PLXDC2: variants seen among roughly 807,000 people sequenced by gnomAD.
The protein encoded by PLXDC2 is plexin domain containing 2.
A neutral mutation model predicts 68.9 loss-of-function variants in PLXDC2; 40 were observed. That is an observed-to-expected ratio of 0.58 (90% confidence interval 0.45 to 0.76). PLXDC2 has a LOEUF of 0.76. Among genes scored for constraint, PLXDC2 ranks in the 30% least tolerant of loss-of-function variants. The pLI is 0.00. For synonymous variants in PLXDC2, 243 were observed against 234.2 expected (o/e 1.04, Z -0.34); for missense variants, 644 against 661.9 (o/e 0.97, Z 0.30).
chr10:20,039,102 T>C (rs1835631137), intron 2 of PLXDC2, among the ~76,000 whole-genome samples: 1 of 152,210 alleles, frequency 6.6e-6, no homozygotes, highest in African/African-American at 2.4e-5. Flanking sequence ...TCAGTTCACC[T>C]GTCTGCAAGT....
chr10:20,005,370 G>A (rs920364642), intron 2 of PLXDC2, among the ~76,000 whole-genome samples: 3 of 152,152 alleles, frequency 2.0e-5, no homozygotes, highest in Non-Finnish European at 4.4e-5. Flanking sequence ...GATTGATGGA[G>A]ATTATTGGGA....
At chr10:20,044,155 C>G (rs1459267182) in intron 2 of PLXDC2, among the ~76,000 whole-genome samples, 1 of 146,768 alleles carries the variant, frequency 6.8e-6, no homozygotes. Flanking sequence ...TTTTTCCTTC[C>G]TTCCTTCCTC....
chr10:19,982,147 T>C (rs560006470), intron 1 of PLXDC2, among the ~76,000 whole-genome samples: 1 of 152,256 alleles, frequency 6.6e-6, no homozygotes, highest in South Asian at 2.1e-4. Context: ...AGTAAATGCA[T>C]TCATTTTTCT....
intron 3 of PLXDC2, among the ~76,000 whole-genome samples, chr10:20,063,709 C>CTTAA (rs1347320671): frequency 3.9e-5 from 6 of 151,968 alleles, no homozygotes; most frequent in African/African-American, 1.4e-4. Flanking sequence ...GGAGTATGAC[C>CTTAA]TGAATGAGTC....
chr10:20,075,515 C>T (rs1323176260), intron 4 of PLXDC2, among the ~76,000 whole-genome samples: 1 of 152,124 alleles, frequency 6.6e-6, no homozygotes, highest in African/African-American at 2.4e-5. Context: ...TCACGAATTT[C>T]ATATTCACAA....
intron 1 of PLXDC2, among the ~76,000 whole-genome samples, chr10:19,825,054 C>G (rs543277091): frequency 6.6e-6 from 1 of 152,262 alleles, no homozygotes; most frequent in South Asian, 2.1e-4. Context: ...CCTTACCCTT[C>G]AAATTAAAAT....
intron 6 of PLXDC2, among the ~76,000 whole-genome samples, chr10:20,151,339 A>G (rs936958387): frequency 6.6e-6 from 1 of 152,174 alleles, no homozygotes; most frequent in African/African-American, 2.4e-5. Flanking sequence ...ATTCCTCAAT[A>G]GTTTCCTACA....
At position 20,143,485 on chromosome 10, in the gene PLXDC2, A is replaced by T. The variant is rs977198533; in HGVS notation, c.664+68A>T. ...AAACCTCAAGCATCAGATTCATGTT[A>T]ATGTTTTTGTAAACTGTTTATTTTT... On this transcript the variant is annotated intron_variant, in intron 5 of 13. Transcript: ENST00000377252. 6 of 1,587,440 alleles carry T rather than the reference A, an allele frequency of 3.8e-6. No homozygotes were observed. In the Admixed American group the frequency reaches 1.0e-4, roughly 27 times the overall value.
chr10:20,195,877 G>A (rs371932602), intron 9 of PLXDC2, among the ~76,000 whole-genome samples: 148 of 152,068 alleles, frequency 9.7e-4, no homozygotes, highest in African/African-American at 3.5e-3. Flanking sequence ...AAATCTACTG[G>A]TGACAGGACA....
At chr10:20,081,322 A>G (rs542468001) in intron 4 of PLXDC2, among the ~76,000 whole-genome samples, 27 of 152,286 alleles carry the variant, frequency 1.8e-4, no homozygotes, top group East Asian at 1.2e-3. Flanking sequence ...CTATTCCACT[A>G]GAGACACCCT....
intron 3 of PLXDC2, among the ~76,000 whole-genome samples, chr10:20,051,058 A>G (rs769154219): frequency 1.1e-4 from 17 of 152,102 alleles, no homozygotes; most frequent in Non-Finnish European, 2.4e-4. Context: ...GCAGCCATAT[A>G]AAAAGAACAA....
At chr10:20,004,940 C>G (rs1835002792) in intron 2 of PLXDC2, among the ~76,000 whole-genome samples, 1 of 152,136 alleles carries the variant, frequency 6.6e-6, no homozygotes, top group African/African-American at 2.4e-5. Flanking sequence ...TAAGAGCTGC[C>G]AGGTACTGTG....
intron 4 of PLXDC2, among the ~76,000 whole-genome samples, chr10:20,139,107 A>G (rs769221733): frequency 2.6e-5 from 4 of 152,222 alleles, no homozygotes; most frequent in Non-Finnish European, 5.9e-5. Context: ...TGACTCGATG[A>G]GGCTTACAGA....
chr10:20,043,972 C>T (rs992351611), intron 2 of PLXDC2, among the ~76,000 whole-genome samples: 3 of 151,906 alleles, frequency 2.0e-5, no homozygotes, highest in East Asian at 3.9e-4. Flanking sequence ...TGATTCTTTT[C>T]GTTGACCATA....
chr10:20,166,068 G>C (rs1834370443), intron 7 of PLXDC2, among the ~76,000 whole-genome samples: 1 of 151,958 alleles, frequency 6.6e-6, no homozygotes, highest in Non-Finnish European at 1.5e-5. Context: ...CTTTTATTTG[G>C]TTACAGTGGT....
Position 19,945,086 on chromosome 10 carries a change from T to C in PLXDC2, c.113-56689T>C, listed in dbSNP as rs539857851. ...CTCAGTGACCGGCCCAAGAGTAGCTTACAGTCTGTTTAAACATCCAGTTAG... is the reference window on the plus strand; with the variant it reads ...CTCAGTGACCGGCCCAAGAGTAGCTCACAGTCTGTTTAAACATCCAGTTAG... On this transcript the variant is annotated intron_variant, in intron 1 of 13. Transcript: ENST00000377252. Among the ~76,000 whole-genome samples the C allele has an allele frequency of 1.1e-4, 17 of 152,366 alleles. No homozygotes were observed. The South Asian group carries it at 3.3e-3, about 30-fold the overall frequency.
chr10:20,275,385 C>T (rs1835992808), intron 13 of PLXDC2, among the ~76,000 whole-genome samples: 1 of 152,094 alleles, frequency 6.6e-6, no homozygotes. Context: ...TAACAAGATC[C>T]CTTGTGATTC....
chr10:20,087,967 C>T (rs553708550), intron 4 of PLXDC2, among the ~76,000 whole-genome samples: 4 of 152,254 alleles, frequency 2.6e-5, no homozygotes, highest in Non-Finnish European at 2.9e-5. Context: ...TTAACTTGAA[C>T]GCTAATGAAG....
At chr10:20,129,248 A>G (rs1466602236) in intron 4 of PLXDC2, among the ~76,000 whole-genome samples, 1 of 152,004 alleles carries the variant, frequency 6.6e-6, no homozygotes, top group East Asian at 1.9e-4. Context: ...AGCATTTTTT[A>G]TGTACCTATT....
Sources: gnomAD v4.1 joint callset for allele counts (sites outside exome capture counted in the v4.1 genomes callset) on GRCh38, gnomAD v4.1.1 for gene constraint, MANE v1.5 for transcripts, NCBI Gene and HGNC (gene_info 2026-07-23, HGNC 2026-07-21) for gene names.